PITPNA: variants seen among roughly 807,000 people sequenced by gnomAD.
The protein encoded by PITPNA is phosphatidylinositol transfer protein alpha isoform.
Under a neutral mutation model 50.3 loss-of-function variants are expected in PITPNA, and 13 were observed. The ratio of observed to expected loss-of-function variants is 0.26; its 90% CI spans 0.17 to 0.41. PITPNA has a LOEUF of 0.41. Among genes scored for constraint, PITPNA ranks in the 10% least tolerant of loss-of-function variants. The pLI is 1.00. For missense variants in PITPNA, 207 were observed against 333.4 expected, an observed-to-expected ratio of 0.62 and a Z score of 2.95; for synonymous variants, 120 against 119.6, an observed-to-expected ratio of 1.00 and a Z score of -0.02.
chr17:1,555,549 T>C (rs1598413992), intron 2 of PITPNA, among the ~76,000 whole-genome samples: 1 of 152,318 alleles, frequency 6.6e-6, no homozygotes, highest in East Asian at 1.9e-4. Context: ...CCTGCGATGA[T>C]GTTCCTTGCT....
At chr17:1,545,074 A>C (rs2075666011) in intron 4 of PITPNA, among the ~76,000 whole-genome samples, 1 of 151,174 alleles carries the variant, frequency 6.6e-6, no homozygotes, top group Non-Finnish European at 1.5e-5. Flanking sequence ...AGTTCCAGGA[A>C]GAGATGGAAG....
chr17:1,541,542 G>A, intron 6 of PITPNA, 24 bp downstream of exon 6: 2 of 1,570,826 alleles, frequency 1.3e-6, no homozygotes, highest in Non-Finnish European at 8.8e-7. Flanking sequence ...CTCACCCCTG[G>A]GGCTTTTGGG....
chr17:1,560,190 C>T (rs1215136531), intron 1 of PITPNA, among the ~76,000 whole-genome samples: 3 of 152,186 alleles, frequency 2.0e-5, no homozygotes, highest in Non-Finnish European at 4.4e-5. Flanking sequence ...AGGCTGCTGA[C>T]GTGACGGCTG....
intron 4 of PITPNA, among the ~76,000 whole-genome samples, chr17:1,547,196 CAAAAAAAAAA>C (rs758159456): frequency 1.6e-5 from 1 of 62,966 alleles, no homozygotes; most frequent in Non-Finnish European, 3.0e-5. Context: ...CCCATCTCTC[CAAAAAAAAAA>C]AAAAAAAAAC....
chr17:1,531,446 C>T (rs1301827524), intron 10 of PITPNA, among the ~76,000 whole-genome samples: 3 of 152,064 alleles, frequency 2.0e-5, no homozygotes, highest in Non-Finnish European at 4.4e-5. Flanking sequence ...AGGAGAATGG[C>T]GTGAACCAGG....
intron 8 of PITPNA, 26 bp downstream of exon 8, chr17:1,535,415 C>A: frequency 6.3e-7 from 1 of 1,589,486 alleles, no homozygotes. Flanking sequence ...TGCCCAGCCC[C>A]CTGGCAGTGA....
At position 1,535,146 on chromosome 17, in the gene PITPNA, C is replaced by T. The variant is rs143180084; in HGVS notation, c.645+36G>A. Reference sequence around the variant, plus strand: ...CCACCACCCCCCCACAACACACACACGCAGTCACTGGGAAGGCCTCAGCCG... The same window carrying T: ...CCACCACCCCCCCACAACACACACATGCAGTCACTGGGAAGGCCTCAGCCG... On this transcript the variant is annotated intron_variant, in intron 9 of 11. Transcript: ENST00000313486. The T allele has an allele frequency of 1.9e-3, 2,455 of 1,284,210 alleles. 50 individuals are homozygous for T. The African/African-American group carries it at 0.03, about 16-fold the overall frequency. 79.6% of individuals were successfully genotyped at this position (1,284,210 alleles called of 1,614,324 possible). A position where few individuals can be genotyped will look rare whatever the true frequency, so the allele number is the denominator to read the frequency against.
rs781375889 is a variant in PITPNA at position 1,521,584 on chromosome 17, A to C, written c.*17T>G. On this transcript the variant is annotated 3_prime_UTR_variant, in exon 11 of 12. Transcript: ENST00000313486. ...GTGAGAAATTTGGTACGTACAGTGC[A>C]GAGGGGAAAGGCGGCTTTAGTCATC... The C allele has an allele frequency of 1.9e-6, 3 of 1,609,608 alleles. No homozygotes were observed. Among genetic ancestry groups the C allele is most frequent in the Non-Finnish European group, 1.7e-6 (2 of 1,176,016 alleles).
intron 2 of PITPNA, among the ~76,000 whole-genome samples, chr17:1,554,295 C>T (rs2075724078): frequency 6.6e-6 from 1 of 151,746 alleles, no homozygotes; most frequent in African/African-American, 2.4e-5. Context: ...TATGGGATTA[C>T]CCAACATGCT....
intron 5 of PITPNA, among the ~76,000 whole-genome samples, chr17:1,542,251 A>C (rs952383145): frequency 5.9e-5 from 9 of 151,996 alleles, no homozygotes; most frequent in Admixed American, 3.3e-4. Context: ...GTCTCAAAAC[A>C]GTTTCGTCTG....
chr17:1,548,352 T>C lies in PITPNA; in HGVS notation c.233A>G (p.Glu78Gly). The stretch of plus-strand genomic sequence containing the variant: ...TTTCTCGTGTATATTCAGGGCTCCC[T>C]CTGGGGCCAGCATTCGAACAAACGT... ...VPTFVRMLAPEGALNIHEKAW... is the reference protein window; with the variant it reads ...VPTFVRMLAPGGALNIHEKAW... Residue 78 changes from glutamate (E) to glycine (G), a missense_variant, in exon 4 of 12, where the codon GAG (glutamate) becomes GGG (glycine). Glu to Gly is a moderately conservative substitution (Grantham distance 98). Transcript: ENST00000313486. 1 of 1,608,324 alleles carries C rather than the reference T, an allele frequency of 6.2e-7. No individual in the cohort carries two copies. Among genetic ancestry groups the C allele is most frequent in the African/African-American group, 1.3e-5 (1 of 74,718 alleles).
At chr17:1,543,159 C>T (rs1458027273) in intron 4 of PITPNA, 132 bp from the exon 5 acceptor site, 3 of 643,826 alleles carry the variant, frequency 4.7e-6, no homozygotes, top group Non-Finnish European at 8.1e-6. Context: ...ATTCCACGGT[C>T]ACCTCCAAGC....
At chr17:1,548,685 G>A (rs1244363416) in intron 3 of PITPNA, among the ~76,000 whole-genome samples, 1 of 152,108 alleles carries the variant, frequency 6.6e-6, no homozygotes, top group African/African-American at 2.4e-5. Flanking sequence ...TCCAGAGCTT[G>A]CTGGGCCCAG....
chr17:1,530,464 A>G (rs10521113), intron 10 of PITPNA, among the ~76,000 whole-genome samples: 15,977 of 152,234 alleles, frequency 0.1, 946 homozygotes, highest in East Asian at 0.14. Context: ...CCAAATCTTC[A>G]AGCCTCATTC....
chr17:1,542,352 T>C (rs2075652341), intron 5 of PITPNA, among the ~76,000 whole-genome samples: 1 of 152,204 alleles, frequency 6.6e-6, no homozygotes, highest in South Asian at 2.1e-4. Context: ...ATACTCACCA[T>C]GGCCCCTTTC....
intron 6 of PITPNA, among the ~76,000 whole-genome samples, chr17:1,539,316 G>A (rs903175521): frequency 3.3e-5 from 5 of 151,976 alleles, no homozygotes; most frequent in East Asian, 1.9e-4. Context: ...GCCTAGGCCC[G>A]AGTGATCCTC....
At chr17:1,561,591 C>A (rs1299463122) in intron 1 of PITPNA, among the ~76,000 whole-genome samples, 1 of 152,112 alleles carries the variant, frequency 6.6e-6, no homozygotes, top group African/African-American at 2.4e-5. Context: ...CCACTTCGGA[C>A]CCTACCCAAC....
intron 10 of PITPNA, among the ~76,000 whole-genome samples, chr17:1,528,184 G>C (rs1421080350): frequency 6.6e-6 from 1 of 152,176 alleles, no homozygotes; most frequent in African/African-American, 2.4e-5. Flanking sequence ...TGTCGCCAAG[G>C]CTGGACAGTG....
intron 10 of PITPNA, among the ~76,000 whole-genome samples, 151 bp from the exon 11 acceptor site, chr17:1,521,796 C>T (rs1275523738): frequency 1.3e-5 from 2 of 151,608 alleles, no homozygotes; most frequent in Non-Finnish European, 2.9e-5. Context: ...GACTCGAAGC[C>T]ATACATTTCC....
Sources: allele counts gnomAD v4.1 joint callset (sites outside exome capture counted in the v4.1 genomes callset), GRCh38; gene constraint gnomAD v4.1.1; transcripts MANE v1.5; gene names NCBI Gene and HGNC (gene_info 2026-07-23, HGNC 2026-07-21).